The following PDZRN3 variants were observed in gnomAD, a reference collection of about 807,000 sequenced individuals.
The protein encoded by PDZRN3 is PDZ domain containing ring finger 3, also known as E3 ubiquitin-protein ligase PDZRN3.
In PDZRN3, 38 loss-of-function variants were observed where a neutral mutation model predicts 85.7. The observed-to-expected ratio is 0.44, with a 90% CI of 0.34 to 0.58. PDZRN3 has a LOEUF of 0.58. Ranked by LOEUF, PDZRN3 falls within the 20% of genes least tolerant of loss-of-function variation. PDZRN3 has a pLI of 0.01. For missense variants in PDZRN3, 1,629 were observed against 1,506.4 expected (o/e 1.08, Z -1.35); for synonymous variants, 759 against 638.0 (o/e 1.19, Z -2.86).
At position 73,383,167 on chromosome 3, in the gene PDZRN3, C is replaced by CAAGATAGT. The variant is rs1703283423; in HGVS notation, c.*190_*197dup. On this transcript the variant is annotated 3_prime_UTR_variant, in exon 10 of 10. Transcript: ENST00000263666. ...AGCTCTGTTTGTTAATATTGCCTTC[C>CAAGATAGT]AAGATAGTAAGGGTGTTTTTCTCTC... The CAAGATAGT allele has an allele frequency of 1.9e-6, 1 of 514,006 alleles. No individual in the cohort carries two copies. The highest frequency in any genetic ancestry group is 1.9e-5 in the African/African-American group (1 of 52,118). The allele number at this position is 514,006 out of a possible 1,614,324, so 31.8% of individuals were successfully genotyped here. A position where few individuals can be genotyped will look rare whatever the true frequency, so the allele number is the denominator to read the frequency against.
At chr3:73,588,948 A>T (rs1342443396) in intron 3 of PDZRN3, among the ~76,000 whole-genome samples, 1 of 152,182 alleles carries the variant, frequency 6.6e-6, no homozygotes, top group African/African-American at 2.4e-5. Context: ...TTCTCCGATG[A>T]AGGGGGACTC....
At chr3:73,388,978 T>C (rs1701460946) in intron 7 of PDZRN3, among the ~76,000 whole-genome samples, 3 of 140,630 alleles carry the variant, frequency 2.1e-5, no homozygotes, top group Non-Finnish European at 4.6e-5. Context: ...CTGAGGACCC[T>C]GACCCTTCAG....
intron 3 of PDZRN3, among the ~76,000 whole-genome samples, chr3:73,444,492 T>C (rs1209046362): frequency 6.6e-6 from 1 of 152,242 alleles, no homozygotes; most frequent in Admixed American, 6.5e-5. Context: ...CCGTGGTTTA[T>C]GACCAATAAA....
intron 3 of PDZRN3, among the ~76,000 whole-genome samples, chr3:73,421,364 TC>T (rs1702199029): frequency 6.6e-6 from 1 of 152,118 alleles, no homozygotes; most frequent in African/African-American, 2.4e-5. Flanking sequence ...ACCCAAGCCT[TC>T]CCCTTTTACA....
At chr3:73,510,271 G>A (rs1418078760) in intron 3 of PDZRN3, among the ~76,000 whole-genome samples, 2 of 152,186 alleles carry the variant, frequency 1.3e-5, no homozygotes, top group African/African-American at 2.4e-5. Flanking sequence ...TATAGTTCAT[G>A]GGTATGTAAA....
chr3:73,587,260 C>T (rs1012648000), intron 3 of PDZRN3, among the ~76,000 whole-genome samples: 1 of 152,196 alleles, frequency 6.6e-6, no homozygotes, highest in African/African-American at 2.4e-5. Flanking sequence ...GGGTAAATAT[C>T]TCGCATGAAA....
chr3:73,514,176 G>GA (rs1265334497), intron 3 of PDZRN3, among the ~76,000 whole-genome samples: 1 of 152,180 alleles, frequency 6.6e-6, no homozygotes, highest in African/African-American at 2.4e-5. Flanking sequence ...AAGGAAGATA[G>GA]AAAAAAGATT....
chr3:73,515,814 G>A (rs1704246727), intron 3 of PDZRN3, among the ~76,000 whole-genome samples: 1 of 152,170 alleles, frequency 6.6e-6, no homozygotes, highest in Non-Finnish European at 1.5e-5. Flanking sequence ...TTTAATTTAA[G>A]TAAATAATGC....
chr3:73,505,156 T>C (rs1341704668), intron 3 of PDZRN3, among the ~76,000 whole-genome samples: 1 of 152,222 alleles, frequency 6.6e-6, no homozygotes, highest in Non-Finnish European at 1.5e-5. Context: ...GCAAAGATTT[T>C]GCTTTTTAAT....
chr3:73,605,469 G>C (rs1702585981), intron 2 of PDZRN3, among the ~76,000 whole-genome samples: 1 of 152,156 alleles, frequency 6.6e-6, no homozygotes, highest in Non-Finnish European at 1.5e-5. Context: ...TGTTTCTTTA[G>C]GGTTATGAGG....
intron 3 of PDZRN3, among the ~76,000 whole-genome samples, chr3:73,564,857 T>A (rs1351024869): frequency 6.6e-6 from 1 of 152,166 alleles, no homozygotes; most frequent in Non-Finnish European, 1.5e-5. Context: ...ATAATTATTG[T>A]GTTACAGCTA....
At chr3:73,594,417 A>G (rs1702404487) in intron 3 of PDZRN3, among the ~76,000 whole-genome samples, 1 of 152,228 alleles carries the variant, frequency 6.6e-6, no homozygotes, top group Admixed American at 6.5e-5. Context: ...ATCCTGTACA[A>G]AAATTTTAAC....
chr3:73,401,371 G>C (rs1189852320), intron 4 of PDZRN3, among the ~76,000 whole-genome samples: 1 of 152,154 alleles, frequency 6.6e-6, no homozygotes, highest in Non-Finnish European at 1.5e-5. Context: ...TTCATTGTTA[G>C]ATTTTATCTC....
chr3:73,387,870 C>T, intron 8 of PDZRN3, 98 bp downstream of exon 8: 1 of 633,730 alleles, frequency 1.6e-6, no homozygotes, highest in Non-Finnish European at 2.8e-6. Context: ...AAAGCACCTT[C>T]AAGTTCGCAG....
At chr3:73,620,240 A>C (rs1361367747) in intron 1 of PDZRN3, among the ~76,000 whole-genome samples, 2 of 152,260 alleles carry the variant, frequency 1.3e-5, no homozygotes, top group Non-Finnish European at 2.9e-5. Flanking sequence ...AGGAGGTAAA[A>C]TCCGCAGGAT....
intron 3 of PDZRN3, among the ~76,000 whole-genome samples, chr3:73,421,868 C>T (rs1363829677): frequency 1.3e-5 from 2 of 152,092 alleles, no homozygotes; most frequent in Non-Finnish European, 2.9e-5. Context: ...AGGATGGTCT[C>T]GATCCCCTGA....
chr3:73,457,133 C>T (rs1415050973), intron 3 of PDZRN3, among the ~76,000 whole-genome samples: 3 of 152,030 alleles, frequency 2.0e-5, no homozygotes, highest in African/African-American at 7.2e-5. Flanking sequence ...AGTGCAGTGG[C>T]GTGATCTCGG....
intron 3 of PDZRN3, among the ~76,000 whole-genome samples, chr3:73,462,160 C>T (rs1184901372): frequency 6.6e-6 from 1 of 152,144 alleles, no homozygotes; most frequent in Non-Finnish European, 1.5e-5. Context: ...TTTATGCTCA[C>T]ACTTTTGATT....
At position 73,404,349 on chromosome 3, in the gene PDZRN3, T is replaced by C; in HGVS notation, c.965A>G (p.Glu322Gly). 6.2e-6 allele frequency: 10 copies of C among 1,614,162 alleles called. No individual in the cohort carries two copies. The highest frequency in any genetic ancestry group is 8.5e-6 in the Non-Finnish European group (10 of 1,179,984). ...LSRATHDQAVEAFKTAKEPIV... is the reference protein window; with the variant it reads ...LSRATHDQAVGAFKTAKEPIV... Reference sequence around the variant, plus strand: ...GGGCTCCTTGGCTGTCTTGAAAGCTTCCACAGCCTGGTCATGAGTTGCTCT... The same window carrying C: ...GGGCTCCTTGGCTGTCTTGAAAGCTCCCACAGCCTGGTCATGAGTTGCTCT... Residue 322 changes from glutamate (E) to glycine (G), a missense_variant, in exon 4 of 10, where the codon GAA (glutamate) becomes GGA (glycine). Glu to Gly is a moderately conservative substitution (Grantham distance 98). Coordinates refer to ENST00000263666, the MANE Select transcript of PDZRN3 (RefSeq NM_015009.3).
Sources: gnomAD v4.1 joint callset for allele counts (sites outside exome capture counted in the v4.1 genomes callset) on GRCh38, gnomAD v4.1.1 for gene constraint, MANE v1.5 for transcripts, NCBI Gene and HGNC (gene_info 2026-07-23, HGNC 2026-07-21) for gene names.